BTN3A2: variants seen among roughly 807,000 people sequenced by gnomAD.
The protein encoded by BTN3A2 is butyrophilin protein.
BTN3A2 carries 25 observed loss-of-function variants against 37.6 expected under a neutral mutation model. That is an observed-to-expected ratio of 0.66 (90% CI 0.48 to 0.93). The LOEUF is 0.93. BTN3A2 is among the 40% of genes least tolerant of loss of function. The probability of loss-of-function intolerance (pLI) is 0.00; values close to 1 mark genes in which losing one functional copy is unlikely to be tolerated. For synonymous variants in BTN3A2, 122 were observed against 159.4 expected, an observed-to-expected ratio of 0.77 and a Z score of 1.77; for missense variants, 266 against 410.9, an observed-to-expected ratio of 0.65 and a Z score of 3.05.
intron 1 of BTN3A2, among the ~76,000 whole-genome samples, chr6:26,365,566 A>C (rs1244298691): frequency 6.6e-6 from 1 of 151,578 alleles, no homozygotes; most frequent in Non-Finnish European, 1.5e-5. Flanking sequence ...GCACGTGGGA[A>C]GACGGGAGAA....
At chr6:26,367,661 C>T (rs1003653003) in intron 1 of BTN3A2, among the ~76,000 whole-genome samples, 33 of 152,164 alleles carry the variant, frequency 2.2e-4, no homozygotes, top group African/African-American at 7.2e-4. Context: ...TGTGATTAAA[C>T]GTGGTGGGTT....
Position 26,370,516 on chromosome 6 carries a change from A to G in BTN3A2, c.628A>G (p.Met210Val). The G allele has an allele frequency of 6.2e-7, 1 of 1,614,234 alleles. No individual in the cohort carries two copies. Among genetic ancestry groups the G allele is most frequent in the Non-Finnish European group, 8.5e-7 (1 of 1,180,042 alleles). The change falls in exon 5 of 11, where the codon ATG (methionine) becomes GTG (valine). Residue 210 changes from methionine to valine, a missense_variant. Around this residue, in one of 3 missense-constraint regions of BTN3A2, gnomAD observed 204 missense variants for 232.6 expected, o/e 0.88. Transcript: ENST00000377708. ...GLYEVAASVIMRGGSGEGVSC... is the reference protein window; with the variant it reads ...GLYEVAASVIVRGGSGEGVSC... ...ATATGAAGTAGCAGCATCTGTGATC[A>G]TGAGAGGCGGCTCCGGGGAGGGTGT...
At chr6:26,366,123 A>C (rs1762039736) in intron 1 of BTN3A2, among the ~76,000 whole-genome samples, 1 of 152,162 alleles carries the variant, frequency 6.6e-6, no homozygotes, top group Non-Finnish European at 1.5e-5. Flanking sequence ...AATTATTGGG[A>C]GTCTCTGTGA....
At position 26,370,359 on chromosome 6, in the gene BTN3A2, T is replaced by C. The variant is rs761186762; in HGVS notation, c.471T>C (p.Tyr157=). 4 of 1,614,090 alleles carry C rather than the reference T, an allele frequency of 2.5e-6. No homozygotes were observed. The highest frequency in any genetic ancestry group is 3.4e-6 in the Non-Finnish European group (4 of 1,180,038). ...ATCTTCACGTCGAAGTGAAGGGTTA[T>C]GAGGATGGAGGGATCCATCTGGAGT... The part of the protein sequence containing the change: ...GSNLHVEVKG[Y]EDGGIHLECR... The change falls in exon 5 of 11, where the codon TAT becomes TAC. Residue 157 remains tyrosine, a synonymous_variant. Transcript: ENST00000377708.
Position 26,376,941 on chromosome 6 carries a change from G to T in BTN3A2, c.*1179G>T. On this transcript the variant is annotated 3_prime_UTR_variant, in exon 11 of 11. Transcript: ENST00000377708. ...TCCTGAGCCTCCTAGGAAAGTGGGG[G>T]TCATCCTGGACTATGAGACTGGACA... The T allele has an allele frequency of 1.9e-6, 3 of 1,610,020 alleles. No individual in the cohort carries two copies. Among genetic ancestry groups the T allele is most frequent in the Non-Finnish European group, 2.5e-6 (3 of 1,176,588 alleles).
At chr6:26,367,388 C>T (rs2113673894) in intron 1 of BTN3A2, among the ~76,000 whole-genome samples, 1 of 152,228 alleles carries the variant, frequency 6.6e-6, no homozygotes, top group Middle Eastern at 3.4e-3. Context: ...ATTGCTGGGC[C>T]AATTGTGAAC....
At position 26,365,272 on chromosome 6, in the gene BTN3A2, G is replaced by A; in HGVS notation, c.-147G>A. 5 of 1,519,998 alleles carry A rather than the reference G, an allele frequency of 3.3e-6. No homozygotes were observed. In the South Asian group the frequency reaches 4.8e-5, roughly 15 times the overall value. 94.2% of individuals were successfully genotyped at this position (1,519,998 alleles called of 1,614,324 possible). On this transcript the variant is annotated 5_prime_UTR_variant, in exon 1 of 11. Coordinates refer to ENST00000377708, the MANE Select transcript of BTN3A2 (RefSeq NM_007047.5). Reference sequence around the variant, plus strand: ...TCCTTTCTTCCGGATGAGAGGCTAAGCCATAATAGAAAGAATGGAGAATTA... The same window carrying A: ...TCCTTTCTTCCGGATGAGAGGCTAAACCATAATAGAAAGAATGGAGAATTA...
At chr6:26,373,711 G>T in intron 8 of BTN3A2, 1 of 326,172 alleles carries the variant, frequency 3.1e-6, no homozygotes, top group Non-Finnish European at 5.5e-6. Context: ...GGAAGAGAAG[G>T]ATGAGGTGCA....
rs752366993 is a variant in BTN3A2 at position 26,368,173 on chromosome 6, T to C, written c.-5-5T>C. On this transcript the variant is annotated splice_polypyrimidine_tract_variant and splice_region_variant and intron_variant, in intron 2 of 10. Coordinates refer to ENST00000377708, the MANE Select transcript of BTN3A2 (RefSeq NM_007047.5). ...CCACACCTTCTGGTATCTCTTGATA[T>C]GCAGCATAGATGAAAATGGCAAGTT... 1.1e-5 allele frequency: 18 copies of C among 1,614,140 alleles called. No homozygotes were observed. In the Admixed American group the frequency reaches 1.3e-4, roughly 12 times the overall value.
chr6:26,367,967 G>C, intron 1 of BTN3A2, 23 bp from the exon 2 acceptor site: 3 of 1,217,902 alleles, frequency 2.5e-6, no homozygotes, highest in Non-Finnish European at 3.3e-6. Context: ...GTCCTGATCA[G>C]ATAACAGATA....
At chr6:26,374,470 A>G (rs1760501360) in intron 9 of BTN3A2, 97 bp downstream of exon 9, 1 of 1,344,728 alleles carries the variant, frequency 7.4e-7, no homozygotes, top group Non-Finnish European at 1.1e-6. Context: ...TAATCTAAAG[A>G]CTCAATTTCT....
Position 26,375,670 on chromosome 6 carries a change from G to A in BTN3A2, c.*35-127G>A, listed in dbSNP as rs767918584. On this transcript the variant is annotated intron_variant, in intron 10 of 10. Transcript: ENST00000377708. Reference sequence around the variant, plus strand: ...CATATAAGGCCCCACACAGAGCCCAGCACAGAGACGGCCTTGCAGCTATCA... The same window carrying A: ...CATATAAGGCCCCACACAGAGCCCAACACAGAGACGGCCTTGCAGCTATCA... 2.9e-4 allele frequency: 435 copies of A among 1,516,730 alleles called. 1 individual carries two copies. The highest frequency in any genetic ancestry group is 3.7e-4 in the Non-Finnish European group (423 of 1,130,574). The allele number at this position is 1,516,730 out of a possible 1,614,324, so 94.0% of individuals were successfully genotyped here. A position where few individuals can be genotyped will look rare whatever the true frequency, so the allele number is the denominator to read the frequency against.
At chr6:26,365,417 G>GA (rs1491214861) in intron 1 of BTN3A2, 65 bp downstream of exon 1, 1 of 1,508,820 alleles carries the variant, frequency 6.6e-7, no homozygotes, top group African/African-American at 1.5e-5. Context: ...CTGAATCGCT[G>GA]AGAGTGGTGA....
intron 5 of BTN3A2, among the ~76,000 whole-genome samples, 168 bp downstream of exon 5, chr6:26,370,771 G>A (rs2113693693): frequency 6.6e-6 from 1 of 152,252 alleles, no homozygotes; most frequent in East Asian, 1.9e-4. Context: ...CCTCCATAAA[G>A]GTGTTCGTAA....
chr6:26,374,323 G>A lies in BTN3A2; in HGVS notation c.965-4G>A. 1 of 1,601,760 alleles carries A rather than the reference G, an allele frequency of 6.2e-7. No homozygotes were observed. The highest frequency in any genetic ancestry group is 8.5e-7 in the Non-Finnish European group (1 of 1,173,862). ...GTGACACCTCTACCTTTCTTTCATT[G>A]TAGGTGGAGAGGAGTCTTCGTCCGA... On this transcript the variant is annotated splice_region_variant and splice_polypyrimidine_tract_variant and intron_variant, in intron 8 of 10. Coordinates refer to ENST00000377708, the MANE Select transcript of BTN3A2 (RefSeq NM_007047.5).
rs62394813 is a variant in BTN3A2, at chr6:26,369,376, C to G, written c.433+464C>G. On this transcript the variant is annotated intron_variant, in intron 4 of 10. Coordinates refer to ENST00000377708, the MANE Select transcript of BTN3A2 (RefSeq NM_007047.5). ...GTAGTAGAACTAGCTGTATTTCTTA[C>G]GTGTTGCAGTGAGGAAGAACACACA... Among the ~76,000 whole-genome samples, 1,312 of 152,320 alleles carry G rather than the reference C, an allele frequency of 8.6e-3. 8 individuals carry two copies. The highest frequency in any genetic ancestry group is 0.013 in the Non-Finnish European group (871 of 68,030).
chr6:26,368,318 A>G (rs374536502), intron 3 of BTN3A2, 51 bp downstream of exon 3: 25 of 1,591,788 alleles, frequency 1.6e-5, no homozygotes, highest in Non-Finnish European at 1.9e-5. Flanking sequence ...GCAGACAATT[A>G]TCTCAATTAC....
chr6:26,373,711 G>A (rs1430864457), intron 8 of BTN3A2: 2 of 326,054 alleles, frequency 6.1e-6, no homozygotes, highest in Non-Finnish European at 1.1e-5. Flanking sequence ...GGAAGAGAAG[G>A]ATGAGGTGCA....
chr6:26,368,540 T>C (rs555598401), intron 3 of BTN3A2, 25 bp from the exon 4 acceptor site: 56 of 1,613,912 alleles, frequency 3.5e-5, no homozygotes, highest in South Asian at 2.2e-4. Context: ...AACCCTCTGA[T>C]GGAGCTTCCC....
Sources: gnomAD v4.1 joint callset for allele counts (sites outside exome capture counted in the v4.1 genomes callset) on GRCh38, gnomAD v4.1.1 for gene constraint, gnomAD v4.1.1 regional missense constraint, MANE v1.5 for transcripts, NCBI Gene and HGNC (gene_info 2026-07-23, HGNC 2026-07-21) for gene names.